PARPBP: variants seen among roughly 807,000 people sequenced by gnomAD.
PARPBP encodes PARP1 binding protein.
A neutral mutation model predicts 50.0 loss-of-function variants in PARPBP; 52 were observed. That is an observed-to-expected ratio of 1.04 (90% CI 0.83 to 1.31). The LOEUF (loss-of-function observed/expected upper bound fraction) is 1.31, where lower values mean the gene tolerates loss of function less well. PARPBP is among the 50% of genes most tolerant of loss of function. The probability of loss-of-function intolerance (pLI) is 0.00; values close to 1 mark genes in which losing one functional copy is unlikely to be tolerated. For missense variants in PARPBP, 697 were observed against 672.0 expected (o/e 1.04, Z -0.41); for synonymous variants, 244 against 232.1 (o/e 1.05, Z -0.47).
At chr12:102,155,116 C>A (rs74442933) in intron 4 of PARPBP, 7,090 of 251,468 alleles carry the variant, frequency 0.028, 567 homozygotes, top group East Asian at 0.26. Flanking sequence ...CCAATCTTTA[C>A]CTCACATGTA....
At chr12:102,183,910 A>G (rs919842683) in intron 9 of PARPBP, among the ~76,000 whole-genome samples, 1 of 151,964 alleles carries the variant, frequency 6.6e-6, no homozygotes, top group African/African-American at 2.4e-5. Context: ...CCCTGTCTCT[A>G]CTGAAAATAC....
intron 2 of PARPBP, among the ~76,000 whole-genome samples, chr12:102,124,470 TCTTA>T (rs1881650273): frequency 6.6e-6 from 1 of 152,210 alleles, no homozygotes; most frequent in South Asian, 2.1e-4. Flanking sequence ...ACAAAGTGAT[TCTTA>T]CTTAGGTAGC....
At chr12:102,156,176 C>CTTTTTTTTTTTTTTTT (rs869213784) in intron 4 of PARPBP, among the ~76,000 whole-genome samples, 6 of 66,184 alleles carry the variant, frequency 9.1e-5, no homozygotes, top group African/African-American at 4.1e-4. Flanking sequence ...ATTAACCTTC[C>CTTTTTTTTTTTTTTTT]TTTTTTTTTT....
At chr12:102,178,926 G>A (rs1889561903) in intron 8 of PARPBP, among the ~76,000 whole-genome samples, 156 bp downstream of exon 8, 3 of 152,178 alleles carry the variant, frequency 2.0e-5, no homozygotes, top group Admixed American at 2.0e-4. Flanking sequence ...AATTCAAAGA[G>A]GTTATATATA....
At position 102,196,380 on chromosome 12, in the gene PARPBP, T is replaced by C. The variant is rs1891319845; in HGVS notation, c.*89T>C. The C allele has an allele frequency of 4.4e-6, 4 of 903,090 alleles. No individual in the cohort carries two copies. The highest frequency in any genetic ancestry group is 6.8e-6 in the Non-Finnish European group (4 of 586,982). 55.9% of individuals were successfully genotyped at this position (903,090 alleles called of 1,614,324 possible). A position where few individuals can be genotyped will look rare whatever the true frequency, so the allele number is the denominator to read the frequency against. Reference sequence around the variant, plus strand: ...TTTTAAGAGATCAAGGTGTAAATTATGATGATTTATTATTTTGGTCTACAG... The same window carrying C: ...TTTTAAGAGATCAAGGTGTAAATTACGATGATTTATTATTTTGGTCTACAG... On this transcript the variant is annotated 3_prime_UTR_variant, in exon 11 of 11. Transcript: ENST00000327680.
chr12:102,167,860 A>T (rs1222834264), intron 6 of PARPBP, among the ~76,000 whole-genome samples: 1 of 152,136 alleles, frequency 6.6e-6, no homozygotes, highest in African/African-American at 2.4e-5. Context: ...CTGACTGCTC[A>T]GAATAGAGGG....
intron 4 of PARPBP, among the ~76,000 whole-genome samples, chr12:102,156,364 T>C (rs2139202310): frequency 6.6e-6 from 1 of 151,302 alleles, no homozygotes; most frequent in Middle Eastern, 3.4e-3. Context: ...TTTTTTTTTT[T>C]TGTATTTTTA....
At chr12:102,174,773 C>G (rs1204738659) in intron 6 of PARPBP, among the ~76,000 whole-genome samples, 1 of 152,212 alleles carries the variant, frequency 6.6e-6, no homozygotes, top group Non-Finnish European at 1.5e-5. Flanking sequence ...GCAGAAGCTG[C>G]AACCCAAACT....
intron 2 of PARPBP, among the ~76,000 whole-genome samples, chr12:102,131,933 GTGGC>G (rs572574670): frequency 0.014 from 2,069 of 152,342 alleles, 32 homozygotes; most frequent in Middle Eastern, 0.024. Context: ...GCTGGGCGCT[GTGGC>G]TAATGCCTGT....
At chr12:102,141,492 T>G (rs545805118) in intron 2 of PARPBP, among the ~76,000 whole-genome samples, 4 of 152,208 alleles carry the variant, frequency 2.6e-5, no homozygotes, top group African/African-American at 9.6e-5. Context: ...TACATTTGAG[T>G]TTAATATTGT....
At position 102,151,469 on chromosome 12, in the gene PARPBP, C is replaced by T. The variant is rs925729370; in HGVS notation, c.388-2400C>T. The T allele has an allele frequency of 8.0e-6, 6 of 752,210 alleles. No homozygotes were observed. In the Admixed American group the frequency reaches 1.4e-4, roughly 18 times the overall value. The allele number at this position is 752,210 out of a possible 1,614,324, so 46.6% of individuals were successfully genotyped here. ...CTGCAGAAATGGTCCTTAGTTGGAG[C>T]CTGCGGCTGCTGGGAGATGCATCAA... On this transcript the variant is annotated intron_variant, in intron 3 of 10. Transcript: ENST00000327680.
At chr12:102,185,094 T>C (rs943633769) in intron 9 of PARPBP, among the ~76,000 whole-genome samples, 25 of 152,188 alleles carry the variant, frequency 1.6e-4, no homozygotes, top group Admixed American at 1.6e-3. Context: ...TAAATAGAAA[T>C]AGATGCTCCT....
chr12:102,171,317 T>C (rs1888705334), intron 6 of PARPBP, among the ~76,000 whole-genome samples: 1 of 152,186 alleles, frequency 6.6e-6, no homozygotes, highest in African/African-American at 2.4e-5. Context: ...TAGGTTTGTT[T>C]ACACAAGCAT....
intron 7 of PARPBP, among the ~76,000 whole-genome samples, chr12:102,177,402 A>G (rs1889385093): frequency 6.6e-6 from 1 of 152,240 alleles, no homozygotes; most frequent in Non-Finnish European, 1.5e-5. Context: ...CACCTTCTCC[A>G]GAGTTATACA....
chr12:102,167,088 A>G (rs1888209091), intron 6 of PARPBP, among the ~76,000 whole-genome samples: 1 of 152,056 alleles, frequency 6.6e-6, no homozygotes, highest in African/African-American at 2.4e-5. Flanking sequence ...TCTTTATTCA[A>G]TCTTTGCTTT....
At chr12:102,153,594 G>A (rs1342360888) in intron 3 of PARPBP, among the ~76,000 whole-genome samples, 3 of 152,140 alleles carry the variant, frequency 2.0e-5, no homozygotes, top group African/African-American at 7.2e-5. Flanking sequence ...CACCTGCTTT[G>A]GCCACACAAA....
intron 3 of PARPBP, chr12:102,150,115 G>C: frequency 2.6e-6 from 1 of 388,276 alleles, no homozygotes. Flanking sequence ...GTTTGAGGTT[G>C]TCTCTGTGGG....
chr12:102,175,572 A>G lies in PARPBP; in HGVS notation c.911A>G (p.Glu304Gly). The change falls in exon 7 of 11, where the codon GAA becomes GGA. Residue 304 changes from glutamate (E) to glycine (G), a missense_variant. By Grantham distance (98) the Glu-to-Gly change is moderately conservative (BLOSUM62 -2). Transcript: ENST00000327680. ...SRDPFCKAIEEVAQDLDLRIK... is the reference protein window; with the variant it reads ...SRDPFCKAIEGVAQDLDLRIK... ...GATCCTTTTTGCAAAGCAATAGAGG[A>G]AGTTGCTCAGGATTTGGATTTGAGG... is the stretch of plus-strand genomic sequence containing the variant. 1.2e-6 allele frequency: 2 copies of G among 1,612,784 alleles called. No individual in the cohort carries two copies. Among genetic ancestry groups the G allele is most frequent in the Non-Finnish European group, 1.7e-6 (2 of 1,178,798 alleles).
chr12:102,169,467 G>C (rs988285761), intron 6 of PARPBP, among the ~76,000 whole-genome samples: 1 of 152,288 alleles, frequency 6.6e-6, no homozygotes. Flanking sequence ...GATGAAGCCT[G>C]TCTCTCTCCA....
Sources: gnomAD v4.1 joint callset for allele counts (sites outside exome capture counted in the v4.1 genomes callset) on GRCh38, gnomAD v4.1.1 for gene constraint, MANE v1.5 for transcripts, NCBI Gene and HGNC (gene_info 2026-07-23, HGNC 2026-07-21) for gene names.